The following TBC1D32 variants were observed in gnomAD, a reference collection of about 807,000 sequenced individuals.
TBC1D32 encodes protein broad-minded.
A neutral mutation model predicts 170.3 loss-of-function variants in TBC1D32; 151 were observed. The observed-to-expected ratio is 0.89, with a 90% confidence interval of 0.78 to 1.01. TBC1D32 has a LOEUF of 1.01. TBC1D32 is among the 50% of genes least tolerant of loss of function. The probability of loss-of-function intolerance (pLI) is 0.00; values close to 1 mark genes in which losing one functional copy is unlikely to be tolerated. For synonymous variants in TBC1D32, 498 were observed against 488.0 expected (o/e 1.02, Z -0.27); for missense variants, 1,464 against 1,457.1 (o/e 1.00, Z -0.08).
chr6:121,204,830 C>T (rs1792023223), intron 22 of TBC1D32, among the ~76,000 whole-genome samples: 1 of 146,466 alleles, frequency 6.8e-6, no homozygotes, highest in African/African-American at 2.8e-5. Context: ...CCTAAAATGC[C>T]TCTATTAAAT....
At chr6:121,095,181 G>A (rs986420976) in intron 30 of TBC1D32, among the ~76,000 whole-genome samples, 1 of 152,044 alleles carries the variant, frequency 6.6e-6, no homozygotes, top group African/African-American at 2.4e-5. Flanking sequence ...AGCTTTTTAG[G>A]TTTGTAAGGA....
chr6:121,097,996 G>A (rs1777611031), intron 30 of TBC1D32, among the ~76,000 whole-genome samples: 1 of 151,754 alleles, frequency 6.6e-6, no homozygotes, highest in Non-Finnish European at 1.5e-5. Flanking sequence ...GGTGAACAAT[G>A]AGAACACATG....
chr6:121,189,029 T>C (rs1789580329), intron 22 of TBC1D32, among the ~76,000 whole-genome samples: 1 of 152,206 alleles, frequency 6.6e-6, no homozygotes, highest in Non-Finnish European at 1.5e-5. Flanking sequence ...ATCTCTAATG[T>C]AACAAAACCG....
intron 20 of TBC1D32, among the ~76,000 whole-genome samples, chr6:121,235,370 G>T (rs1029633620): frequency 6.6e-6 from 1 of 152,126 alleles, no homozygotes; most frequent in African/African-American, 2.4e-5. Context: ...CCACCAGGAG[G>T]GGGCAGGGAG....
chr6:121,152,313 G>A (rs1423777385), intron 24 of TBC1D32, among the ~76,000 whole-genome samples: 3 of 152,186 alleles, frequency 2.0e-5, no homozygotes, highest in Non-Finnish European at 4.4e-5. Context: ...TCTTAAGAAT[G>A]TTGAACATTG....
chr6:121,197,826 C>G (rs1177200764), intron 22 of TBC1D32, among the ~76,000 whole-genome samples: 3 of 152,088 alleles, frequency 2.0e-5, no homozygotes, highest in African/African-American at 7.2e-5. Context: ...GTACTGATCC[C>G]GGGTATGCCT....
chr6:121,311,958 T>C (rs1289878612), intron 3 of TBC1D32, among the ~76,000 whole-genome samples: 1 of 152,058 alleles, frequency 6.6e-6, no homozygotes, highest in East Asian at 1.9e-4. Context: ...CCAAACCAAA[T>C]GCCTATCAAT....
intron 22 of TBC1D32, among the ~76,000 whole-genome samples, chr6:121,179,201 C>T (rs969405774): frequency 6.6e-5 from 10 of 151,350 alleles, no homozygotes; most frequent in Middle Eastern, 3.4e-3. Flanking sequence ...CATATATATA[C>T]ACACACACAC....
At chr6:121,275,163 G>A (rs1250314434) in intron 15 of TBC1D32, among the ~76,000 whole-genome samples, 2 of 152,144 alleles carry the variant, frequency 1.3e-5, no homozygotes, top group Non-Finnish European at 2.9e-5. Flanking sequence ...TTGTATGTTT[G>A]GTGGGGAAAG....
intron 21 of TBC1D32, among the ~76,000 whole-genome samples, chr6:121,219,306 C>T (rs963068175): frequency 2.0e-5 from 3 of 152,152 alleles, no homozygotes; most frequent in South Asian, 2.1e-4. Flanking sequence ...TAAATCATGA[C>T]AGAAAGCAGT....
chr6:121,262,354 A>T (rs1475151539), intron 15 of TBC1D32, among the ~76,000 whole-genome samples: 5 of 152,344 alleles, frequency 3.3e-5, no homozygotes, highest in African/African-American at 1.2e-4. Context: ...AAATGAAAGA[A>T]AAAATGTTAA....
At chr6:121,161,845 T>C (rs1183990526) in intron 22 of TBC1D32, among the ~76,000 whole-genome samples, 2 of 152,212 alleles carry the variant, frequency 1.3e-5, no homozygotes, top group East Asian at 3.8e-4. Context: ...CCAGCATCTG[T>C]TGTTTTTTGA....
intron 12 of TBC1D32, among the ~76,000 whole-genome samples, chr6:121,285,319 T>C (rs765001061): frequency 1.1e-4 from 16 of 152,172 alleles, no homozygotes; most frequent in African/African-American, 1.7e-4. Flanking sequence ...CTAACCAGTA[T>C]AAACTTCTAA....
chr6:121,322,259 C>T (rs1464729841), intron 1 of TBC1D32, among the ~76,000 whole-genome samples: 1 of 152,138 alleles, frequency 6.6e-6, no homozygotes, highest in Non-Finnish European at 1.5e-5. Flanking sequence ...ACTGATGTAA[C>T]TTCCACCTAA....
intron 1 of TBC1D32, among the ~76,000 whole-genome samples, chr6:121,327,735 C>T (rs1810639888): frequency 6.6e-6 from 1 of 152,196 alleles, no homozygotes; most frequent in Non-Finnish European, 1.5e-5. Context: ...AACCTTTTAA[C>T]ATTTTAAGGA....
chr6:121,118,145 AATT>A (rs1436701862), intron 26 of TBC1D32, among the ~76,000 whole-genome samples: 1 of 152,218 alleles, frequency 6.6e-6, no homozygotes, highest in Non-Finnish European at 1.5e-5. Context: ...CAACAAAAGA[AATT>A]ATACTTTAAA....
chr6:121,323,897 G>A lies in TBC1D32; in HGVS notation c.156-2103C>T, dbSNP rs150240167. On this transcript the variant is annotated intron_variant, in intron 1 of 31. Coordinates refer to ENST00000398212, the MANE Select transcript of TBC1D32 (RefSeq NM_152730.6). The stretch of plus-strand genomic sequence containing the variant: ...GGAGGTTGCAGTGAGCCAAGATTGC[G>A]CCACTGCACTCCAGCTTGGTGACAG... Among the ~76,000 whole-genome samples the A allele has an allele frequency of 1.0e-3, 159 of 152,208 alleles. 1 individual carries two copies. The East Asian group carries it at 0.022, about 21-fold the overall frequency.
At chr6:121,211,379 C>A (rs1478363025) in intron 21 of TBC1D32, among the ~76,000 whole-genome samples, 1 of 152,038 alleles carries the variant, frequency 6.6e-6, no homozygotes, top group Admixed American at 6.5e-5. Flanking sequence ...GAAATGAAAT[C>A]CCTGGTGACT....
rs1187560446 is a variant in TBC1D32, at chr6:121,079,699, T to A, written c.*1072A>T. ...TCACATATTGTATTAATCTTACCGG[T>A]GCAGAGACATCTATTTAAATAAGAC... On this transcript the variant is annotated 3_prime_UTR_variant, in exon 32 of 32. Transcript: ENST00000398212. The A allele has an allele frequency of 6.6e-6, 1 of 152,188 alleles. No homozygotes were observed. Among genetic ancestry groups the A allele is most frequent in the Non-Finnish European group, 1.5e-5 (1 of 68,004 alleles). 9.4% of individuals were successfully genotyped at this position (152,188 alleles called of 1,614,324 possible).
Sources: gnomAD v4.1 joint callset for allele counts (sites outside exome capture counted in the v4.1 genomes callset) on GRCh38, gnomAD v4.1.1 for gene constraint, MANE v1.5 for transcripts, NCBI Gene and HGNC (gene_info 2026-07-23, HGNC 2026-07-21) for gene names.